Variants in SPRR3 observed in about 807,000 individuals in gnomAD.
The protein encoded by SPRR3 is small proline-rich protein 3.
For missense variants in SPRR3, 183 were observed against 200.3 expected, an observed-to-expected ratio of 0.91 and a Z score of 0.52; for synonymous variants, 58 against 72.3, an observed-to-expected ratio of 0.80 and a Z score of 1.01.
Position 153,003,621 on chromosome 1 carries a change from C to A in SPRR3, c.*91C>A, listed in dbSNP as rs1018409349. 1 of 1,506,514 alleles carries A rather than the reference C, an allele frequency of 6.6e-7. No homozygotes were observed. The highest frequency in any genetic ancestry group is 9.0e-7 in the Non-Finnish European group (1 of 1,116,562). 93.3% of individuals were successfully genotyped at this position (1,506,514 alleles called of 1,614,324 possible). A position where few individuals can be genotyped will look rare whatever the true frequency, so the allele number is the denominator to read the frequency against. On this transcript the variant is annotated 3_prime_UTR_variant, in exon 2 of 2. Coordinates refer to ENST00000295367, the MANE Select transcript of SPRR3 (RefSeq NM_001097589.2). ...TTCTGTGTCTTAATTGTCTGTAGAC[C>A]TTGTAATCAGCACATTGTCACCCCA...
rs28924724 is a variant in SPRR3, at chr1:153,002,434, C to T, written c.-19-568C>T. ...GAACTATCGCACTCTATAAGGAGGACATGAGTGAGTAGATTCTAGACTGCT... is the reference window on the plus strand; with the variant it reads ...GAACTATCGCACTCTATAAGGAGGATATGAGTGAGTAGATTCTAGACTGCT... On this transcript the variant is annotated intron_variant, in intron 1 of 1. Transcript: ENST00000295367. The T allele has an allele frequency of 4.8e-3, 746 of 156,522 alleles. 7 individuals carry two copies. Among genetic ancestry groups the T allele is most frequent in the African/African-American group, 0.017 (721 of 41,558 alleles). 9.7% of individuals were successfully genotyped at this position (156,522 alleles called of 1,614,324 possible).
chr1:153,002,699 T>G (rs546595131), intron 1 of SPRR3: 8 of 321,316 alleles, frequency 2.5e-5, no homozygotes, highest in African/African-American at 1.7e-4. Flanking sequence ...AAGCGAAAGC[T>G]TCAGAGTATA....
Position 153,003,418 on chromosome 1 carries a change from T to C in SPRR3, c.398T>C (p.Val133Ala), listed in dbSNP as rs765076350. The C allele has an allele frequency of 6.2e-7, 1 of 1,614,086 alleles. No homozygotes were observed. Among genetic ancestry groups the C allele is most frequent in the Non-Finnish European group, 8.5e-7 (1 of 1,180,008 alleles). ...IKFPEPGAIKVPEQGYTKVPV... is the reference protein window; with the variant it reads ...IKFPEPGAIKAPEQGYTKVPV... Reference sequence around the variant, plus strand: ...TTTCCTGAGCCAGGTGCCATCAAAGTTCCTGAGCAAGGATACACCAAAGTT... The same window carrying C: ...TTTCCTGAGCCAGGTGCCATCAAAGCTCCTGAGCAAGGATACACCAAAGTT... The change falls in exon 2 of 2, where the codon GTT (valine) becomes GCT (alanine). Residue 133 changes from valine to alanine, a missense_variant. By Grantham distance (64) the Val-to-Ala change is moderately conservative. Transcript: ENST00000295367.
intron 1 of SPRR3, 85 bp from the exon 2 acceptor site, chr1:153,002,917 G>GGAACT: frequency 7.2e-7 from 1 of 1,389,988 alleles, no homozygotes; most frequent in South Asian, 1.4e-5. Context: ...CAGTTCTGAA[G>GGAACT]GAGAATGAAA....
Position 153,003,562 on chromosome 1 carries a change from A to G in SPRR3, c.*32A>G. On this transcript the variant is annotated 3_prime_UTR_variant, in exon 2 of 2. Coordinates refer to ENST00000295367, the MANE Select transcript of SPRR3 (RefSeq NM_001097589.2). ...GCACAGACAAGCCCTTGAGAAGCCA[A>G]CCACCAGATGCTGGACACCCTCTTC... 2 of 1,607,284 alleles carry G rather than the reference A, an allele frequency of 1.2e-6. No individual in the cohort carries two copies. The highest frequency in any genetic ancestry group is 1.7e-6 in the Non-Finnish European group (2 of 1,175,424).
In SPRR3 at chr1:153,003,152, G is replaced by A. The variant is rs773282643; in HGVS notation, c.132G>A (p.Lys44=). The change falls in exon 2 of 2, where the codon AAG becomes AAA. Residue 44 remains lysine (K), a synonymous_variant. Transcript: ENST00000295367. ...VPTTKEPCHS[K]VPQPGNTKIP... is the part of the protein sequence containing the mutation. ...CAACCAAGGAGCCATGCCACTCAAAGGTTCCACAACCTGGAAACACAAAGA... is the reference window on the plus strand; with the variant it reads ...CAACCAAGGAGCCATGCCACTCAAAAGTTCCACAACCTGGAAACACAAAGA... 4 of 1,614,060 alleles carry A rather than the reference G, an allele frequency of 2.5e-6. No individual in the cohort carries two copies. Among genetic ancestry groups the A allele is most frequent in the Non-Finnish European group, 3.4e-6 (4 of 1,180,026 alleles).
chr1:153,002,888 G>C, intron 1 of SPRR3, 114 bp from the exon 2 acceptor site: 2 of 1,161,834 alleles, frequency 1.7e-6, no homozygotes, highest in South Asian at 3.3e-5. Context: ...CAGGGAAAAA[G>C]AAAGAAAAGA....
intron 1 of SPRR3, 68 bp from the exon 2 acceptor site, chr1:153,002,934 A>G: frequency 6.9e-7 from 1 of 1,458,456 alleles, no homozygotes; most frequent in Non-Finnish European, 9.3e-7. Context: ...GAAATGACAG[A>G]TATTTGTCAT....
chr1:153,003,001 G>A lies in SPRR3; in HGVS notation c.-19-1G>A. 1 of 1,599,626 alleles carries A rather than the reference G, an allele frequency of 6.3e-7. No homozygotes were observed. The highest frequency in any genetic ancestry group is 8.5e-7 in the Non-Finnish European group (1 of 1,171,694). On this transcript the variant is annotated splice_acceptor_variant, in intron 1 of 1. Coordinates refer to ENST00000295367, the MANE Select transcript of SPRR3 (RefSeq NM_001097589.2). LOFTEE classifies it low-confidence loss of function (5UTR_SPLICE). ...CACTGAATTAGCTGTTTTGTCTCTA[G>A]GTCCAGCATCCTTTGAAGCATGAGT...
chr1:153,002,967 T>A, intron 1 of SPRR3, 35 bp from the exon 2 acceptor site: 1 of 1,556,256 alleles, frequency 6.4e-7, no homozygotes, highest in Non-Finnish European at 8.7e-7. Context: ...CATTCCTACT[T>A]AATCAAAGCA....
In SPRR3 at chr1:153,003,546, A is replaced by T; in HGVS notation, c.*16A>T. ...GCAGAAGTAATTTGGTGCACAGACA[A>T]GCCCTTGAGAAGCCAACCACCAGAT... On this transcript the variant is annotated 3_prime_UTR_variant, in exon 2 of 2. Transcript: ENST00000295367. The T allele has an allele frequency of 6.2e-7, 1 of 1,610,428 alleles. No individual in the cohort carries two copies. Among genetic ancestry groups the T allele is most frequent in the African/African-American group, 1.3e-5 (1 of 74,896 alleles).
intron 1 of SPRR3, chr1:153,002,607 T>A (rs10399896): frequency 0.57 from 107,649 of 187,318 alleles, 31,733 homozygotes; most frequent in African/African-American, 0.68. Context: ...CCTCAGATGA[T>A]CCCTGAGCAG....
Position 153,003,635 on chromosome 1 carries a change from A to G in SPRR3, c.*105A>G, listed in dbSNP as rs1652884766. 6 of 1,425,824 alleles carry G rather than the reference A, an allele frequency of 4.2e-6. No individual in the cohort carries two copies. The highest frequency in any genetic ancestry group is 5.7e-6 in the Non-Finnish European group (6 of 1,060,510). The allele number at this position is 1,425,824 out of a possible 1,614,324, so 88.3% of individuals were successfully genotyped here. Reference sequence around the variant, plus strand: ...TGTCTGTAGACCTTGTAATCAGCACATTGTCACCCCAAGCCATAGTCTCTC... The same window carrying G: ...TGTCTGTAGACCTTGTAATCAGCACGTTGTCACCCCAAGCCATAGTCTCTC... On this transcript the variant is annotated 3_prime_UTR_variant, in exon 2 of 2. Transcript: ENST00000295367.
At chr1:153,002,876 T>C in intron 1 of SPRR3, 126 bp from the exon 2 acceptor site, 1 of 1,059,624 alleles carries the variant, frequency 9.4e-7, no homozygotes, top group Non-Finnish European at 1.3e-6. Flanking sequence ...TGATCTCAAA[T>C]TCAGGGAAAA....
At chr1:153,002,912 C>A in intron 1 of SPRR3, 90 bp from the exon 2 acceptor site, 1 of 1,367,094 alleles carries the variant, frequency 7.3e-7, no homozygotes, top group Non-Finnish European at 1.0e-6. Context: ...GCTCTCAGTT[C>A]TGAAGGAGAA....
In SPRR3 at chr1:153,003,634, C is replaced by A; in HGVS notation, c.*104C>A. The A allele has an allele frequency of 1.4e-6, 2 of 1,425,166 alleles. No individual in the cohort carries two copies. The highest frequency in any genetic ancestry group is 1.9e-6 in the Non-Finnish European group (2 of 1,059,924). The allele number at this position is 1,425,166 out of a possible 1,614,324, so 88.3% of individuals were successfully genotyped here. ...TTGTCTGTAGACCTTGTAATCAGCA[C>A]ATTGTCACCCCAAGCCATAGTCTCT... On this transcript the variant is annotated 3_prime_UTR_variant, in exon 2 of 2. Transcript: ENST00000295367.
In SPRR3 at chr1:153,003,722, C is replaced by G; in HGVS notation, c.*192C>G. The G allele has an allele frequency of 1.2e-6, 1 of 805,026 alleles. No homozygotes were observed. The highest frequency in any genetic ancestry group is 1.9e-6 in the Non-Finnish European group (1 of 517,566). The allele number at this position is 805,026 out of a possible 1,614,324, so 49.9% of individuals were successfully genotyped here. A position where few individuals can be genotyped will look rare whatever the true frequency, so the allele number is the denominator to read the frequency against. On this transcript the variant is annotated 3_prime_UTR_variant, in exon 2 of 2. Coordinates refer to ENST00000295367, the MANE Select transcript of SPRR3 (RefSeq NM_001097589.2). ...TTTGTTCACACACACTCTGAAGAATCCTGTAAGCCCCTGAATTAAGCAGAA... is the reference window on the plus strand; with the variant it reads ...TTTGTTCACACACACTCTGAAGAATGCTGTAAGCCCCTGAATTAAGCAGAA...
intron 1 of SPRR3, 148 bp downstream of exon 1, chr1:153,001,941 C>T (rs1200977705): frequency 6.6e-6 from 1 of 152,160 alleles, no homozygotes; most frequent in Non-Finnish European, 1.5e-5. Context: ...TGACTTTCCA[C>T]TCAGATTACA....
chr1:153,003,460 C>G lies in SPRR3; in HGVS notation c.440C>G (p.Thr147Arg), dbSNP rs139275808. 1.3e-3 allele frequency: 2,023 copies of G among 1,614,046 alleles called. 35 individuals are homozygous for G. The East Asian group carries it at 0.041, about 33-fold the overall frequency. ...GYTKVPVPGYTKLPEPCPSTV... is the reference protein window; with the variant it reads ...GYTKVPVPGYRKLPEPCPSTV... ...ACCAAAGTTCCTGTGCCAGGCTACA[C>G]AAAGCTACCAGAGCCATGTCCTTCA... is the stretch of plus-strand genomic sequence containing the variant. The change falls in exon 2 of 2, where the codon ACA becomes AGA. Residue 147 changes from threonine (T) to arginine (R), a missense_variant. Transcript: ENST00000295367.
Sources: allele counts gnomAD v4.1 joint callset, GRCh38; gene constraint gnomAD v4.1.1; transcripts MANE v1.5; gene names NCBI Gene and HGNC (gene_info 2026-07-23, HGNC 2026-07-21).